Variants in NBPF14 observed in about 807,000 individuals in gnomAD.
The protein encoded by NBPF14 is NBPF member 14.
Under a neutral mutation model 91.2 loss-of-function variants are expected in NBPF14, and 104 were observed. The observed-to-expected ratio is 1.14, with a 90% confidence interval of 0.97 to 1.34. The LOEUF (loss-of-function observed/expected upper bound fraction) is 1.34, where lower values mean the gene tolerates loss of function less well. Ranked by LOEUF, NBPF14 falls within the 40% of genes most tolerant of loss-of-function variation. The pLI, the probability that NBPF14 is intolerant of heterozygous loss-of-function variation, is 0.00. For missense variants in NBPF14, 908 were observed against 783.0 expected, an observed-to-expected ratio of 1.16 and a Z score of -1.91; for synonymous variants, 294 against 303.8, an observed-to-expected ratio of 0.97 and a Z score of 0.34.
intron 34 of NBPF14, among the ~76,000 whole-genome samples, chr1:148,561,850 G>T (rs1256796124): frequency 7.4e-6 from 1 of 135,186 alleles, no homozygotes; most frequent in African/African-American, 3.6e-5. Context: ...GAGAGAGAAC[G>T]AGCTCAGTGA....
intron 69 of NBPF14, among the ~76,000 whole-genome samples, chr1:148,534,196 A>T (rs1462142729): frequency 6.7e-6 from 1 of 150,360 alleles, no homozygotes; most frequent in Non-Finnish European, 1.5e-5. Context: ...TCGTTATCCC[A>T]ATATCATTTG....
chr1:148,558,151 A>T, intron 39 of NBPF14, 101 bp downstream of exon 39: 1 of 236,710 alleles, frequency 4.2e-6, no homozygotes, highest in Non-Finnish European at 7.1e-6. Context: ...TGCCTGCGGC[A>T]ATGACGTCTC....
At chr1:148,559,475 T>C (rs1657241285) in intron 37 of NBPF14, among the ~76,000 whole-genome samples, 1 of 129,798 alleles carries the variant, frequency 7.7e-6, no homozygotes, top group Admixed American at 7.5e-5. Context: ...GAGTGAAGGA[T>C]GAAATCTACA....
intron 36 of NBPF14, 79 bp from the exon 37 acceptor site, chr1:148,560,044 C>G (rs1205223745): frequency 1.4e-6 from 1 of 689,972 alleles, no homozygotes. Flanking sequence ...TCATGGCTAA[C>G]GTAAGGAAGA....
intron 63 of NBPF14, among the ~76,000 whole-genome samples, 200 bp downstream of exon 63, chr1:148,539,210 G>A (rs1655476190): frequency 1.1e-5 from 1 of 93,048 alleles, no homozygotes; most frequent in African/African-American, 5.8e-5. Context: ...TGGAGACTAG[G>A]AATAGAGCCT....
intron 9 of NBPF14, among the ~76,000 whole-genome samples, chr1:148,586,035 C>T (rs1661477746): frequency 1.3e-5 from 2 of 152,064 alleles, no homozygotes; most frequent in South Asian, 4.2e-4. Context: ...CTCCAAAGAC[C>T]ACCTTCCATC....
intron 28 of NBPF14, 40 bp from the exon 29 acceptor site, chr1:148,566,355 A>T: frequency 2.7e-6 from 2 of 751,292 alleles, no homozygotes; most frequent in Admixed American, 3.5e-5. Context: ...GCCAGGGGAA[A>T]TCAGACACAA....
intron 16 of NBPF14, among the ~76,000 whole-genome samples, chr1:148,576,038 G>A (rs1421585988): frequency 3.4e-5 from 5 of 147,804 alleles, no homozygotes; most frequent in Admixed American, 2.7e-4. Flanking sequence ...GAGAAAGTGA[G>A]CTCAGCGAAT....
At chr1:148,578,150 C>T (rs1385957766) in intron 13 of NBPF14, 116 bp from the exon 14 acceptor site, 12 of 748,444 alleles carry the variant, frequency 1.6e-5, no homozygotes, top group Middle Eastern at 3.6e-4. Flanking sequence ...GAACAGGAGA[C>T]TTTGAGAGAA....
At chr1:148,533,792 T>G in intron 70 of NBPF14, 69 bp downstream of exon 70, 1 of 765,080 alleles carries the variant, frequency 1.3e-6, no homozygotes, top group Non-Finnish European at 2.4e-6. Context: ...AAACACACTC[T>G]GGTTTCCCTG....
intron 37 of NBPF14, among the ~76,000 whole-genome samples, chr1:148,559,396 C>A (rs1295436647): frequency 3.7e-5 from 5 of 133,966 alleles, no homozygotes; most frequent in Non-Finnish European, 7.5e-5. Flanking sequence ...AGAAAAACTG[C>A]ACTATTCACC....
chr1:148,533,905 C>T (rs1425183298), exon 70 of NBPF14: 3 of 754,924 alleles, frequency 4.0e-6, no homozygotes, highest in Non-Finnish European at 4.8e-6. Flanking sequence ...CTTTTCTTCC[C>T]CTTCTTCTTT....
chr1:148,576,293 GT>G (rs1659716418), intron 16 of NBPF14, 116 bp downstream of exon 16: 2 of 523,232 alleles, frequency 3.8e-6, no homozygotes, highest in East Asian at 7.3e-5. Flanking sequence ...AGCAATGTCA[GT>G]AGGAGTAATT....
rs1158179588 is a variant in NBPF14 at position 148,587,423 on chromosome 1, C to T, written c.989-20G>A. On this transcript the variant is annotated intron_variant, in intron 7 of 70. Transcript: ENST00000619423. The stretch of plus-strand genomic sequence containing the variant: ...CATATTCTGAGAAAAGACAGACACA[C>T]CTACCTCAGTGGAAGGCTGGACATG... 8 of 1,564,402 alleles carry T rather than the reference C, an allele frequency of 5.1e-6. 2 individuals are homozygous for T. The African/African-American group carries it at 5.7e-5, about 11-fold the overall frequency.
intron 15 of NBPF14, among the ~76,000 whole-genome samples, chr1:148,576,952 G>C (rs1327789048): frequency 7.0e-6 from 1 of 143,736 alleles, no homozygotes; most frequent in African/African-American, 2.5e-5. Flanking sequence ...ATGAGAGTAG[G>C]ATTAGGGCGC....
At chr1:148,587,553 G>C (rs1313655635) in intron 7 of NBPF14, 150 bp from the exon 8 acceptor site, 3 of 904,876 alleles carry the variant, frequency 3.3e-6, no homozygotes, top group Non-Finnish European at 5.1e-6. Flanking sequence ...TTACTCTTCA[G>C]TCTCCTGACT....
rs1660262176 is a variant in NBPF14, at chr1:148,577,986, G to T, written c.1850C>A (p.Pro617His). The change falls in exon 14 of 71, where the codon CCC becomes CAC. Residue 617 changes from proline (P) to histidine (H), a missense_variant. Pro to His is a moderately conservative substitution (Grantham distance 77, BLOSUM62 -2). Transcript: ENST00000619423. Reference sequence around the variant, plus strand: ...GTCCACAATTTCTCAGACTCACCTGGGACCTGTTGCCTCTTGGTCCTCCTT... The same window carrying T: ...GTCCACAATTTCTCAGACTCACCTGTGACCTGTTGCCTCTTGGTCCTCCTT... The T allele has an allele frequency of 4.8e-6, 3 of 619,128 alleles. No individual in the cohort carries two copies. In the South Asian group the frequency reaches 5.6e-5, roughly 12 times the overall value. 38.4% of individuals were successfully genotyped at this position (619,128 alleles called of 1,614,324 possible). A position where few individuals can be genotyped will look rare whatever the true frequency, so the allele number is the denominator to read the frequency against.
intron 8 of NBPF14, 88 bp downstream of exon 8, chr1:148,587,213 G>C (rs1661689065): frequency 8.5e-7 from 1 of 1,170,720 alleles, no homozygotes; most frequent in Non-Finnish European, 1.3e-6. Flanking sequence ...CCCTGGCCCA[G>C]CTGAGCTCTT....
intron 68 of NBPF14, 131 bp downstream of exon 68, chr1:148,535,322 C>A: frequency 1.7e-6 from 1 of 605,088 alleles, no homozygotes; most frequent in South Asian, 2.0e-5. Flanking sequence ...CAATGAAAAC[C>A]AACAGCAATG....
Sources: allele counts gnomAD v4.1 joint callset (sites outside exome capture counted in the v4.1 genomes callset), GRCh38; gene constraint gnomAD v4.1.1; transcripts MANE v1.5; gene names NCBI Gene and HGNC (gene_info 2026-07-23, HGNC 2026-07-21).